NPM1: variants seen among roughly 807,000 people sequenced by gnomAD.
NPM1 encodes nucleophosmin 1, also known as nucleophosmin.
A neutral mutation model predicts 44.1 loss-of-function variants in NPM1; 1 was observed. The ratio of observed to expected loss-of-function variants is 0.02; its 90% CI spans 0.01 to 0.11. The LOEUF (loss-of-function observed/expected upper bound fraction) is 0.11. Among genes scored for constraint, NPM1 ranks in the 10% least tolerant of loss-of-function variants. NPM1 has a pLI of 1.00. For missense variants in NPM1, 197 were observed against 347.8 expected, an observed-to-expected ratio of 0.57 and a Z score of 3.45; for synonymous variants, 126 against 111.8, an observed-to-expected ratio of 1.13 and a Z score of -0.80.
At chr5:171,397,059 G>A (rs1156253423) in intron 6 of NPM1, among the ~76,000 whole-genome samples, 1 of 152,168 alleles carries the variant, frequency 6.6e-6, no homozygotes, top group Admixed American at 6.6e-5. Flanking sequence ...TCACCTCAAT[G>A]AGAAATCGTA....
intron 6 of NPM1, 86 bp downstream of exon 6, chr5:171,393,064 T>C (rs2113184088): frequency 6.7e-7 from 1 of 1,494,424 alleles, no homozygotes; most frequent in Non-Finnish European, 9.0e-7. Flanking sequence ...GAGGGTTTTA[T>C]AAAAGTCATT....
At chr5:171,388,576 C>G (rs1770398841) in intron 1 of NPM1, among the ~76,000 whole-genome samples, 1 of 97,904 alleles carries the variant, frequency 1.0e-5, no homozygotes, top group Non-Finnish European at 1.9e-5. Flanking sequence ...GCTGGGAGCA[C>G]GTGGTTGCCA....
intron 6 of NPM1, among the ~76,000 whole-genome samples, chr5:171,396,967 CAAAA>C (rs889849752): frequency 1.3e-5 from 2 of 150,104 alleles, no homozygotes; most frequent in East Asian, 1.9e-4. Flanking sequence ...GAGTAAAACT[CAAAA>C]AAAAATAGTG....
intron 7 of NPM1, 45 bp downstream of exon 7, chr5:171,400,255 A>G: frequency 6.2e-7 from 1 of 1,610,974 alleles, no homozygotes. Context: ...AACAATAGAA[A>G]TGGTGATTTT....
chr5:171,401,827 A>G (rs1413984807), intron 8 of NPM1, among the ~76,000 whole-genome samples: 3 of 152,206 alleles, frequency 2.0e-5, no homozygotes, highest in Non-Finnish European at 4.4e-5. Context: ...CCTTGGCTGC[A>G]TGTTAGCTTG....
intron 6 of NPM1, among the ~76,000 whole-genome samples, chr5:171,394,543 C>T (rs76304103): frequency 0.037 from 5,584 of 152,192 alleles, 391 homozygotes; most frequent in African/African-American, 0.13. Flanking sequence ...CACAAGCTAT[C>T]CTCCCCTCTC....
chr5:171,395,229 G>A (rs543229814), intron 6 of NPM1, among the ~76,000 whole-genome samples: 10 of 152,088 alleles, frequency 6.6e-5, no homozygotes, highest in South Asian at 2.1e-4. Flanking sequence ...AATTTTGTTT[G>A]TCTTTAAGTT....
At position 171,391,711 on chromosome 5, in the gene NPM1, C is replaced by T. The variant is rs1178414538; in HGVS notation, c.264C>T (p.Ser88=). The T allele has an allele frequency of 3.1e-6, 5 of 1,607,724 alleles. No homozygotes were observed. Among genetic ancestry groups the T allele is most frequent in the Non-Finnish European group, 8.5e-7 (1 of 1,175,928 alleles). The part of the protein sequence containing the change: ...TLKMSVQPTV[S]LGGFEITPPV... Reference sequence around the variant, plus strand: ...GAAAAATTTCTCCCTTCTAGGTTTCCCTTGGGGGCTTTGAAATAACACCAC... The same window carrying T: ...GAAAAATTTCTCCCTTCTAGGTTTCTCTTGGGGGCTTTGAAATAACACCAC... The change falls in exon 4 of 11, where the codon TCC becomes TCT. Residue 88 remains serine, a synonymous_variant. Transcript: ENST00000296930.
rs1221171238 is a variant in NPM1 at position 171,390,138 on chromosome 5, A to T, written c.138+8A>T. The T allele has an allele frequency of 6.8e-7, 1 of 1,480,620 alleles. No individual in the cohort carries two copies. The allele number at this position is 1,480,620 out of a possible 1,614,324, so 91.7% of individuals were successfully genotyped here. A position where few individuals can be genotyped will look rare whatever the true frequency, so the allele number is the denominator to read the frequency against. On this transcript the variant is annotated splice_region_variant and intron_variant, in intron 2 of 10. Coordinates refer to ENST00000296930, the MANE Select transcript of NPM1 (RefSeq NM_002520.7). ...CAGTTATCTTTAAGAACGGTACTTA[A>T]ACTTTCAAAATAAACTACTTAACCC...
intron 2 of NPM1, 24 bp downstream of exon 2, chr5:171,390,154 T>C (rs760473550): frequency 4.4e-5 from 56 of 1,267,722 alleles, no homozygotes; most frequent in Non-Finnish European, 4.0e-5. Flanking sequence ...CAAAATAAAC[T>C]ACTTAACCCT....
intron 4 of NPM1, 51 bp from the exon 5 acceptor site, chr5:171,392,659 T>C (rs980152830): frequency 8.1e-6 from 10 of 1,229,564 alleles, no homozygotes; most frequent in East Asian, 2.3e-5. Flanking sequence ...TCTTTTTTTT[T>C]CTGACTTCTT....
At chr5:171,391,972 A>G (rs1770600086) in intron 4 of NPM1, among the ~76,000 whole-genome samples, 173 bp downstream of exon 4, 1 of 151,502 alleles carries the variant, frequency 6.6e-6, no homozygotes, top group Non-Finnish European at 1.5e-5. Flanking sequence ...GGGAGAGGAA[A>G]TCTTGCTGTC....
At chr5:171,399,885 G>C (rs560582962) in intron 6 of NPM1, among the ~76,000 whole-genome samples, 2 of 152,268 alleles carry the variant, frequency 1.3e-5, no homozygotes, top group East Asian at 3.9e-4. Flanking sequence ...TTAATGAATA[G>C]AATCATACAG....
Position 171,396,738 on chromosome 5 carries a change from T to C in NPM1, c.525-3415T>C, listed in dbSNP as rs574342411. ...GTTCACACCTGTAATCCCAGCACTT[T>C]GGGTGGTCGATGCGGGCAGATCACC... On this transcript the variant is annotated intron_variant, in intron 6 of 10. Coordinates refer to ENST00000296930, the MANE Select transcript of NPM1 (RefSeq NM_002520.7). Among the ~76,000 whole-genome samples the C allele has an allele frequency of 5.3e-5, 8 of 152,268 alleles. No individual in the cohort carries two copies. The South Asian group carries it at 1.7e-3, about 32-fold the overall frequency.
At chr5:171,391,630 G>T in intron 3 of NPM1, 76 bp from the exon 4 acceptor site, 1 of 1,176,400 alleles carries the variant, frequency 8.5e-7, no homozygotes, top group Admixed American at 1.8e-5. Context: ...TTGTTGATTT[G>T]GCTTATGTGT....
At chr5:171,391,669 T>A in intron 3 of NPM1, 37 bp from the exon 4 acceptor site, 1 of 1,371,146 alleles carries the variant, frequency 7.3e-7, no homozygotes, top group Non-Finnish European at 1.0e-6. Context: ...GTTCATTTTC[T>A]TCACATGTTT....
chr5:171,401,899 C>T (rs1370213159), intron 8 of NPM1, among the ~76,000 whole-genome samples: 1 of 152,084 alleles, frequency 6.6e-6, no homozygotes. Flanking sequence ...ACCCACTTCC[C>T]TGCAGAAAAT....
At chr5:171,408,303 G>C (rs564920430) in intron 10 of NPM1, among the ~76,000 whole-genome samples, 2 of 152,246 alleles carry the variant, frequency 1.3e-5, no homozygotes, top group African/African-American at 4.8e-5. Flanking sequence ...GAAAGTCTTA[G>C]TCAACATAAA....
upstream of NPM1, chr5:171,387,592 C>G (rs939368729): frequency 2.9e-5 from 8 of 278,842 alleles, no homozygotes; most frequent in African/African-American, 1.8e-4. Context: ...CGCGTTACGA[C>G]TGGAAAGCAC....
Sources: allele counts gnomAD v4.1 joint callset (sites outside exome capture counted in the v4.1 genomes callset), GRCh38; gene constraint gnomAD v4.1.1; transcripts MANE v1.5; gene names NCBI Gene and HGNC (gene_info 2026-07-23, HGNC 2026-07-21).